The following MCU variants were observed in gnomAD, a reference collection of about 807,000 sequenced individuals.
MCU encodes calcium uniporter protein, mitochondrial.
Under a neutral mutation model 45.2 loss-of-function variants are expected in MCU, and 12 were observed. The observed-to-expected ratio is 0.27, with a 90% CI of 0.17 to 0.43. The LOEUF (loss-of-function observed/expected upper bound fraction) is 0.43. Among genes scored for constraint, MCU ranks in the 20% least tolerant of loss-of-function variants. The probability of loss-of-function intolerance (pLI) is 1.00; values close to 1 mark genes in which losing one functional copy is unlikely to be tolerated. For synonymous variants in MCU, 160 were observed against 165.1 expected, an observed-to-expected ratio of 0.97 and a Z score of 0.24; for missense variants, 324 against 436.7, an observed-to-expected ratio of 0.74 and a Z score of 2.30.
intron 3 of MCU, 130 bp downstream of exon 3, chr10:72,859,477 T>A (rs1845343944): frequency 1.3e-6 from 1 of 751,736 alleles, no homozygotes; most frequent in Admixed American, 3.0e-5. Flanking sequence ...AACTTTTTTC[T>A]TTTGCTTAGC....
chr10:72,795,954 C>T (rs1431566014), intron 1 of MCU, among the ~76,000 whole-genome samples: 1 of 151,912 alleles, frequency 6.6e-6, no homozygotes, highest in Non-Finnish European at 1.5e-5. Context: ...GCTGAGATCG[C>T]ACCACTGCAC....
chr10:72,864,217 G>A (rs1845420454), intron 4 of MCU, among the ~76,000 whole-genome samples: 1 of 152,016 alleles, frequency 6.6e-6, no homozygotes, highest in South Asian at 2.1e-4. Flanking sequence ...TCTCCTCATG[G>A]GTAGTTCTTC....
At chr10:72,870,098 C>A (rs1322350705) in intron 5 of MCU, among the ~76,000 whole-genome samples, 1 of 152,080 alleles carries the variant, frequency 6.6e-6, no homozygotes, top group African/African-American at 2.4e-5. Context: ...TTACAATGAA[C>A]ATATGTTACC....
At chr10:72,766,766 T>G (rs780150410) in intron 1 of MCU, 1 of 152,198 alleles carries the variant, frequency 6.6e-6, no homozygotes, top group Non-Finnish European at 1.5e-5. Context: ...TGTTTAACGC[T>G]CTGTCAGTCT....
intron 4 of MCU, among the ~76,000 whole-genome samples, chr10:72,864,680 GT>G (rs1845426632): frequency 6.6e-6 from 1 of 152,168 alleles, no homozygotes; most frequent in Non-Finnish European, 1.5e-5. Flanking sequence ...GGTTTCAAAA[GT>G]TGCAGGGGGG....
At chr10:72,779,364 T>C (rs868756381) in intron 1 of MCU, among the ~76,000 whole-genome samples, 2 of 152,330 alleles carry the variant, frequency 1.3e-5, no homozygotes, top group Middle Eastern at 3.4e-3. Flanking sequence ...TTCATGGTCT[T>C]GGTCTTGGAC....
At chr10:72,833,417 G>A (rs1161518202) in intron 1 of MCU, among the ~76,000 whole-genome samples, 3 of 152,140 alleles carry the variant, frequency 2.0e-5, no homozygotes, top group Non-Finnish European at 2.9e-5. Flanking sequence ...AAGTTGAAAC[G>A]AGATGGAAAT....
chr10:72,739,004 A>C (rs1397598929), intron 1 of MCU, among the ~76,000 whole-genome samples: 1 of 152,220 alleles, frequency 6.6e-6, no homozygotes, highest in African/African-American at 2.4e-5. Context: ...AACTAGAGCC[A>C]AAAACATATT....
Position 72,868,732 on chromosome 10 carries a change from C to T in MCU, c.526C>T (p.Leu176=), listed in dbSNP as rs779463538. Residue 176 remains leucine (L), a synonymous_variant, in exon 5 of 8, where the codon CTG becomes TTG. Coordinates refer to ENST00000373053, the MANE Select transcript of MCU (RefSeq NM_138357.3). ...CTTAAGTCATGAAAATGCAGCAACG[C>T]TGAATGATGTAAAGACATTGGTCCA... ...DLLSHENAAT[L]NDVKTLVQQL... 6 of 1,613,778 alleles carry T rather than the reference C, an allele frequency of 3.7e-6. No homozygotes were observed. The African/African-American group carries it at 8.0e-5, about 22-fold the overall frequency.
At chr10:72,849,937 G>T (rs1366983149) in intron 2 of MCU, among the ~76,000 whole-genome samples, 2 of 145,246 alleles carry the variant, frequency 1.4e-5, no homozygotes, top group African/African-American at 5.1e-5. Flanking sequence ...TTTTTAGACA[G>T]AATTTTGCTC....
Position 72,855,998 on chromosome 10 carries a change from C to T in MCU, c.221-3179C>T, listed in dbSNP as rs142032980. ...AAAACCTGGAAACAACCCAGATGTTCGTCAACTGGATAAACAAGTTGTGGT... is the reference window on the plus strand; with the variant it reads ...AAAACCTGGAAACAACCCAGATGTTTGTCAACTGGATAAACAAGTTGTGGT... On this transcript the variant is annotated intron_variant, in intron 2 of 7. Transcript: ENST00000373053. 4.5e-3 allele frequency among the ~76,000 whole-genome samples: 688 copies of T among 152,292 alleles called. 4 individuals are homozygous for T. Among genetic ancestry groups the T allele is most frequent in the African/African-American group, 0.016 (649 of 41,580 alleles).
At chr10:72,885,710 C>A in intron 7 of MCU, 35 bp from the exon 8 acceptor site, 2 of 1,407,260 alleles carry the variant, frequency 1.4e-6, no homozygotes, top group Non-Finnish European at 2.0e-6. Context: ...GAAAGCTTCA[C>A]TAGCCAGTTT....
At chr10:72,766,790 T>A (rs1353980465) in intron 1 of MCU, 2 of 152,212 alleles carry the variant, frequency 1.3e-5, no homozygotes, top group East Asian at 3.8e-4. Context: ...AATGAACTTT[T>A]ATTTATTAAA....
At chr10:72,855,882 A>G (rs749825716) in intron 2 of MCU, among the ~76,000 whole-genome samples, 1 of 152,200 alleles carries the variant, frequency 6.6e-6, no homozygotes, top group Non-Finnish European at 1.5e-5. Context: ...AAACATGGAT[A>G]AGGTAAAAGG....
intron 1 of MCU, among the ~76,000 whole-genome samples, chr10:72,758,428 A>G (rs562721571): frequency 2.0e-5 from 3 of 152,334 alleles, no homozygotes; most frequent in Admixed American, 6.5e-5. Flanking sequence ...TATCATGTCC[A>G]CAGATACAGT....
At chr10:72,762,363 T>G (rs1437645471) in intron 1 of MCU, among the ~76,000 whole-genome samples, 2 of 152,058 alleles carry the variant, frequency 1.3e-5, no homozygotes, top group African/African-American at 4.8e-5. Flanking sequence ...CCCTAAATCA[T>G]TCCTAATGAC....
intron 1 of MCU, among the ~76,000 whole-genome samples, chr10:72,709,359 T>G (rs568364079): frequency 8.5e-5 from 13 of 152,338 alleles, no homozygotes; most frequent in Non-Finnish European, 1.8e-4. Context: ...TTTAAAGAAG[T>G]ATTTAAAGAT....
chr10:72,871,619 A>T (rs772507061), intron 6 of MCU, 39 bp downstream of exon 6: 11 of 1,551,438 alleles, frequency 7.1e-6, no homozygotes, highest in Middle Eastern at 3.5e-4. Context: ...TGAGATAGTA[A>T]TAAAGTTTTG....
At chr10:72,695,916 C>G (rs972719284) in intron 1 of MCU, among the ~76,000 whole-genome samples, 4 of 151,514 alleles carry the variant, frequency 2.6e-5, no homozygotes, top group Non-Finnish European at 4.4e-5. Context: ...GTAATCCCAG[C>G]AACTAGGGAG....
Sources: allele counts gnomAD v4.1 joint callset (sites outside exome capture counted in the v4.1 genomes callset), GRCh38; gene constraint gnomAD v4.1.1; transcripts MANE v1.5; gene names NCBI Gene and HGNC (gene_info 2026-07-23, HGNC 2026-07-21).